Variants in DAZAP2 observed in about 807,000 individuals in gnomAD.
DAZAP2 encodes DAZ-associated protein 2.
A neutral mutation model predicts 16.2 loss-of-function variants in DAZAP2; 3 were observed. That is an observed-to-expected ratio of 0.19 (90% CI 0.08 to 0.48). The LOEUF is 0.48. Among genes scored for constraint, DAZAP2 ranks in the 20% least tolerant of loss-of-function variants. The pLI is 0.98. For synonymous variants in DAZAP2, 69 were observed against 77.6 expected (o/e 0.89, Z 0.58); for missense variants, 172 against 215.9 (o/e 0.80, Z 1.27).
rs1224729728 is a variant in DAZAP2 at position 51,243,300 on chromosome 12, A to G, written c.*842A>G. The G allele has an allele frequency of 2.1e-5, 21 of 985,782 alleles. No individual in the cohort carries two copies. The highest frequency in any genetic ancestry group is 2.5e-5 in the Non-Finnish European group (21 of 829,966). The allele number at this position is 985,782 out of a possible 1,614,324, so 61.1% of individuals were successfully genotyped here. A position where few individuals can be genotyped will look rare whatever the true frequency, so the allele number is the denominator to read the frequency against. ...TACTGTGAACAACAGTTGGTTTAAA[A>G]TATGAGGGGCAAGGAGGAGGATGCA... On this transcript the variant is annotated 3_prime_UTR_variant, in exon 4 of 4. Transcript: ENST00000412716.
In DAZAP2 at chr12:51,240,076, G is replaced by A. The variant is rs1277963841; in HGVS notation, c.14-267G>A. On this transcript the variant is annotated intron_variant, in intron 1 of 3. Transcript: ENST00000412716. The stretch of plus-strand genomic sequence containing the variant: ...CTGTCCTGCATTCCGGAGGGAACTT[G>A]GGCCCAGGTAGACTTAACCCCTTAC... 1.5e-5 allele frequency: 7 copies of A among 451,944 alleles called. No individual in the cohort carries two copies. In the Admixed American group the frequency reaches 1.8e-4, roughly 11 times the overall value. 28.0% of individuals were successfully genotyped at this position (451,944 alleles called of 1,614,324 possible). A position where few individuals can be genotyped will look rare whatever the true frequency, so the allele number is the denominator to read the frequency against.
rs1944709333 is a variant in DAZAP2, at chr12:51,243,064, T to A, written c.*606T>A. 1.0e-6 allele frequency: 1 copy of A among 992,104 alleles called. No homozygotes were observed. Among genetic ancestry groups the A allele is most frequent in the Non-Finnish European group, 1.2e-6 (1 of 834,548 alleles). 61.5% of individuals were successfully genotyped at this position (992,104 alleles called of 1,614,324 possible). A position where few individuals can be genotyped will look rare whatever the true frequency, so the allele number is the denominator to read the frequency against. ...CGCACTTCTCCCCACTCGTCATCTT[T>A]TAACTAGTGTTTCACAAGGATCCTC... On this transcript the variant is annotated 3_prime_UTR_variant, in exon 4 of 4. Transcript: ENST00000412716.
In DAZAP2 at chr12:51,243,921, A is replaced by G. The variant is rs1177490306; in HGVS notation, c.*1463A>G. On this transcript the variant is annotated 3_prime_UTR_variant, in exon 4 of 4. Coordinates refer to ENST00000412716, the MANE Select transcript of DAZAP2 (RefSeq NM_014764.4). ...GATGACGCTTTGAAATAAAGGCAGG[A>G]GTACAAGCCTAAGACTTGATCATTT... 28 of 984,994 alleles carry G rather than the reference A, an allele frequency of 2.8e-5. No homozygotes were observed. The highest frequency in any genetic ancestry group is 3.4e-5 in the Non-Finnish European group (28 of 829,648). The allele number at this position is 984,994 out of a possible 1,614,324, so 61.0% of individuals were successfully genotyped here.
chr12:51,239,209 T>G, intron 1 of DAZAP2: 1 of 434,126 alleles, frequency 2.3e-6, no homozygotes, highest in Non-Finnish European at 4.1e-6. Context: ...AATAGAGCGC[T>G]AGCGCAGGCA....
intron 1 of DAZAP2, 56 bp from the exon 2 acceptor site, chr12:51,240,287 C>T: frequency 7.1e-7 from 1 of 1,404,180 alleles, no homozygotes; most frequent in Non-Finnish European, 1.0e-6. Context: ...ATATGACCTG[C>T]CTCATTTTGG....
intron 2 of DAZAP2, 164 bp from the exon 3 acceptor site, chr12:51,240,707 C>T (rs1944659994): frequency 9.9e-7 from 1 of 1,011,756 alleles, no homozygotes; most frequent in Admixed American, 2.7e-5. Flanking sequence ...TTAGCTATAG[C>T]AGAAAGTGAT....
At chr12:51,246,604 CTGTGTGTGTGTGTGTG>C (rs59561227), downstream of DAZAP2, 14 of 338,116 alleles carry the variant, frequency 4.1e-5, no homozygotes, top group African/African-American at 2.8e-4. Context: ...TCTTTTATGG[CTGTGTGTGTGTGTGTG>C]TGTGTGTGTG....
intron 1 of DAZAP2, 22 bp from the exon 2 acceptor site, chr12:51,240,321 T>A (rs897708348): frequency 1.2e-6 from 2 of 1,601,828 alleles, no homozygotes; most frequent in South Asian, 2.2e-5. Context: ...TAGGCAACCT[T>A]CATTTTTTTC....
chr12:51,244,820 C>CT (rs5798164), downstream of DAZAP2: 53,610 of 92,058 alleles, frequency 0.58, 17,408 homozygotes, highest in South Asian at 0.64. Context: ...TCCCAGGGTA[C>CT]TTTTTTTTTT....
rs754429678 is a variant in DAZAP2 at position 51,240,878 on chromosome 12, G to A, written c.140G>A (p.Arg47His). Residue 47 changes from arginine to histidine, a missense_variant, in exon 3 of 4, where the codon CGT becomes CAT. Arg to His is a conservative substitution (Grantham distance 29). Coordinates refer to ENST00000412716, the MANE Select transcript of DAZAP2 (RefSeq NM_014764.4). ...CTCTTCTGCCTCTTCTAGCTCTATCGTCCGAGCTTTGTGCACCCAGGGGCT... is the reference window on the plus strand; with the variant it reads ...CTCTTCTGCCTCTTCTAGCTCTATCATCCGAGCTTTGTGCACCCAGGGGCT... ...DAPPAYSELY[R>H]PSFVHPGAAT... 16 of 1,613,564 alleles carry A rather than the reference G, an allele frequency of 9.9e-6. No homozygotes were observed. Among genetic ancestry groups the A allele is most frequent in the Middle Eastern group, 3.3e-4 (2 of 6,080 alleles).
Position 51,242,898 on chromosome 12 carries a change from C to T in DAZAP2, c.*440C>T. Reference sequence around the variant, plus strand: ...TATATTACTTGTTATAAATGGAACGCATTAGTTGTCTGCCTTTTCCTTTCC... The same window carrying T: ...TATATTACTTGTTATAAATGGAACGTATTAGTTGTCTGCCTTTTCCTTTCC... On this transcript the variant is annotated 3_prime_UTR_variant, in exon 4 of 4. Coordinates refer to ENST00000412716, the MANE Select transcript of DAZAP2 (RefSeq NM_014764.4). 1 of 1,214,726 alleles carries T rather than the reference C, an allele frequency of 8.2e-7. No homozygotes were observed. Among genetic ancestry groups the T allele is most frequent in the South Asian group, 2.5e-5 (1 of 39,810 alleles). 75.2% of individuals were successfully genotyped at this position (1,214,726 alleles called of 1,614,324 possible).
At chr12:51,244,859 CTG>C (rs1944745142), downstream of DAZAP2, 1 of 131,838 alleles carries the variant, frequency 7.6e-6, no homozygotes, top group African/African-American at 2.8e-5. Context: ...GAGTCTCACT[CTG>C]TTGCCCAGGC....
chr12:51,241,153 T>C (rs1249772507), intron 3 of DAZAP2, 37 bp downstream of exon 3: 1 of 1,604,562 alleles, frequency 6.2e-7, no homozygotes, highest in African/African-American at 1.3e-5. Flanking sequence ...TCAGCCCTTG[T>C]GTATTTTAAC....
intron 1 of DAZAP2, 109 bp from the exon 2 acceptor site, chr12:51,240,234 T>C: frequency 1.2e-6 from 1 of 815,652 alleles, no homozygotes; most frequent in Non-Finnish European, 2.1e-6. Context: ...GGCAGACTAT[T>C]TGCAAATCCC....
chr12:51,242,199 T>TCAA, intron 3 of DAZAP2, 131 bp from the exon 4 acceptor site: 8 of 1,293,598 alleles, frequency 6.2e-6, no homozygotes, highest in Non-Finnish European at 7.3e-6. Context: ...CTCAAATTGG[T>TCAA]GGCGGAACTA....
At position 51,242,812 on chromosome 12, in the gene DAZAP2, C is replaced by T. The variant is rs891448299; in HGVS notation, c.*354C>T. The T allele has an allele frequency of 6.4e-6, 9 of 1,397,150 alleles. No homozygotes were observed. In the African/African-American group the frequency reaches 1.3e-4, roughly 20 times the overall value. The allele number at this position is 1,397,150 out of a possible 1,614,324, so 86.5% of individuals were successfully genotyped here. A position where few individuals can be genotyped will look rare whatever the true frequency, so the allele number is the denominator to read the frequency against. ...AGGTTTGGAGGGAACTTTGATCTTC[C>T]TAAGAATTAAAGTTGCCAAATTATT... On this transcript the variant is annotated 3_prime_UTR_variant, in exon 4 of 4. Coordinates refer to ENST00000412716, the MANE Select transcript of DAZAP2 (RefSeq NM_014764.4).
chr12:51,239,025 G>A, intron 1 of DAZAP2, 105 bp downstream of exon 1: 1 of 1,514,550 alleles, frequency 6.6e-7, no homozygotes. Flanking sequence ...GGTGGGCTGC[G>A]CCATGCTCCT....
rs1401578191 is a variant in DAZAP2, at chr12:51,239,922, T to TA, written c.14-419dup. The TA allele has an allele frequency of 5.5e-5, 10 of 182,712 alleles. No homozygotes were observed. In the East Asian group the frequency reaches 1.5e-3, roughly 27 times the overall value. The allele number at this position is 182,712 out of a possible 1,614,324, so 11.3% of individuals were successfully genotyped here. ...TTGTTTGGAAGTCGACCTTGAATAG[T>TA]AATCTGTAAGGAAAATCAGAACTGC... On this transcript the variant is annotated intron_variant, in intron 1 of 3. Transcript: ENST00000412716.
At chr12:51,246,546 C>T (rs921299870), downstream of DAZAP2, 3 of 474,774 alleles carry the variant, frequency 6.3e-6, no homozygotes, top group Non-Finnish European at 7.4e-6. Context: ...TTGCGGCCAC[C>T]TCCCAACCTG....
Sources: allele counts gnomAD v4.1 joint callset, GRCh38; gene constraint gnomAD v4.1.1; transcripts MANE v1.5; gene names NCBI Gene and HGNC (gene_info 2026-07-23, HGNC 2026-07-21).